LAMA2: variants seen among roughly 807,000 people sequenced by gnomAD.
The protein encoded by LAMA2 is laminin subunit alpha 2.
Under a neutral mutation model 364.8 loss-of-function variants are expected in LAMA2, and 269 were observed. That is an observed-to-expected ratio of 0.74 (90% CI 0.67 to 0.82). LAMA2 has a LOEUF of 0.82. Ranked by LOEUF, LAMA2 falls within the 40% of genes least tolerant of loss-of-function variation. The probability of loss-of-function intolerance (pLI) is 0.00; values close to 1 mark genes in which losing one functional copy is unlikely to be tolerated. For synonymous variants in LAMA2, 1,379 were observed against 1,370.6 expected (o/e 1.01, Z -0.14); for missense variants, 3,807 against 3,873.2 (o/e 0.98, Z 0.45).
intron 12 of LAMA2, among the ~76,000 whole-genome samples, chr6:129,200,838 A>G (rs1445870522): frequency 1.3e-5 from 2 of 152,172 alleles, no homozygotes; most frequent in South Asian, 2.1e-4. Flanking sequence ...TAGACCCTAT[A>G]CAGTAAATGG....
intron 3 of LAMA2, among the ~76,000 whole-genome samples, chr6:129,089,909 A>G (rs1446272787): frequency 1.3e-5 from 2 of 152,206 alleles, no homozygotes; most frequent in Admixed American, 6.5e-5. Flanking sequence ...TACCCTTTAG[A>G]GCTGATAATT....
intron 29 of LAMA2, among the ~76,000 whole-genome samples, chr6:129,340,830 CA>C (rs34264921): frequency 0.27 from 15,957 of 59,532 alleles, 472 homozygotes; most frequent in African/African-American, 0.35. Context: ...AGCTCTGTCT[CA>C]AAAAAAAAAA....
chr6:129,166,677 T>G (rs769468521), intron 9 of LAMA2, among the ~76,000 whole-genome samples: 2 of 152,160 alleles, frequency 1.3e-5, no homozygotes, highest in Non-Finnish European at 2.9e-5. Flanking sequence ...TACCCCTTTT[T>G]GAGTAATGAG....
In LAMA2 at chr6:128,946,336, G is replaced by A. The variant is rs561717694; in HGVS notation, c.112+62979G>A. On this transcript the variant is annotated intron_variant, in intron 1 of 64. Coordinates refer to ENST00000421865, the MANE Select transcript of LAMA2 (RefSeq NM_000426.4). ...TAACATACTCAGAACACTCACATTA[G>A]CCCACAGTTGGACAAAATTACCTGG... 9.5e-4 allele frequency among the ~76,000 whole-genome samples: 145 copies of A among 152,178 alleles called. 5 individuals carry two copies. The South Asian group carries it at 0.02, about 21-fold the overall frequency.
chr6:129,291,954 G>T (rs918758481), intron 20 of LAMA2, among the ~76,000 whole-genome samples: 8 of 151,930 alleles, frequency 5.3e-5, no homozygotes, highest in Admixed American at 2.0e-4. Context: ...TATTATATTC[G>T]CTTTAATTCA....
chr6:129,252,057 TTTTA>T (rs1466292751), intron 13 of LAMA2, 23 bp from the exon 14 acceptor site: 5 of 1,540,656 alleles, frequency 3.2e-6, no homozygotes, highest in Non-Finnish European at 3.6e-6. Flanking sequence ...TTTTACTCTT[TTTTA>T]TTTCTTTTTT....
At chr6:128,939,830 G>C (rs1327045018) in intron 1 of LAMA2, among the ~76,000 whole-genome samples, 2 of 152,142 alleles carry the variant, frequency 1.3e-5, no homozygotes, top group Non-Finnish European at 2.9e-5. Flanking sequence ...CTCCTAGGCA[G>C]ATTCAGTTGC....
intron 45 of LAMA2, among the ~76,000 whole-genome samples, chr6:129,451,930 G>A (rs900687781): frequency 1.3e-5 from 2 of 152,260 alleles, no homozygotes; most frequent in South Asian, 4.1e-4. Context: ...GATGCTAGTT[G>A]GTTTTCTTCC....
chr6:129,477,594 G>A (rs1004461067), intron 53 of LAMA2, among the ~76,000 whole-genome samples: 2 of 152,054 alleles, frequency 1.3e-5, no homozygotes, highest in Admixed American at 1.3e-4. Context: ...TGGCACACTT[G>A]CCCCATTTTA....
intron 1 of LAMA2, among the ~76,000 whole-genome samples, chr6:128,926,269 A>G (rs78921902): frequency 0.025 from 3,742 of 151,534 alleles, 48 homozygotes; most frequent in Middle Eastern, 0.031. Flanking sequence ...TTAAAAAAAA[A>G]CTCTTTGGTC....
At chr6:129,256,763 C>CAAATATATATATATATATATAT (rs749883373) in intron 14 of LAMA2, among the ~76,000 whole-genome samples, 3 of 87,960 alleles carry the variant, frequency 3.4e-5, no homozygotes, top group Admixed American at 1.3e-4. Flanking sequence ...AATTATATAG[C>CAAATATATATATATATATATAT]ATATATATAT....
At chr6:129,415,110 G>A (rs1368267336) in intron 40 of LAMA2, among the ~76,000 whole-genome samples, 1 of 152,124 alleles carries the variant, frequency 6.6e-6, no homozygotes, top group African/African-American at 2.4e-5. Flanking sequence ...TTAAGATGAA[G>A]CTATTTATGT....
At chr6:129,035,320 G>T in intron 1 of LAMA2, among the ~76,000 whole-genome samples, 1 of 143,846 alleles carries the variant, frequency 7.0e-6, no homozygotes, top group South Asian at 2.2e-4. Context: ...TTTTTTAGAA[G>T]TGTCTGTTAA....
intron 43 of LAMA2, chr6:129,442,843 T>C (rs1001098275): frequency 3.6e-6 from 2 of 553,134 alleles, no homozygotes; most frequent in Middle Eastern, 3.6e-4. Flanking sequence ...TACTAAAACA[T>C]AGAAATAATT....
intron 41 of LAMA2, among the ~76,000 whole-genome samples, chr6:129,428,872 T>A (rs1781455175): frequency 6.6e-6 from 1 of 152,182 alleles, no homozygotes; most frequent in East Asian, 1.9e-4. Context: ...TATGAGCCAT[T>A]ACAATTATTA....
At chr6:129,037,878 C>T (rs536419259) in intron 1 of LAMA2, among the ~76,000 whole-genome samples, 1 of 152,050 alleles carries the variant, frequency 6.6e-6, no homozygotes, top group Non-Finnish European at 1.5e-5. Flanking sequence ...ACCGTGTTAG[C>T]CAGGATGGTC....
intron 45 of LAMA2, among the ~76,000 whole-genome samples, chr6:129,451,225 C>A (rs768515228): frequency 5.9e-5 from 9 of 152,192 alleles, no homozygotes; most frequent in Non-Finnish European, 1.3e-4. Context: ...TTCATTTTCA[C>A]TCACCTACTC....
intron 1 of LAMA2, among the ~76,000 whole-genome samples, chr6:128,952,409 A>G (rs1388465598): frequency 6.6e-6 from 1 of 152,162 alleles, no homozygotes; most frequent in African/African-American, 2.4e-5. Context: ...AGCAGCTACC[A>G]TAAATAAGAA....
intron 58 of LAMA2, among the ~76,000 whole-genome samples, chr6:129,497,740 T>A (rs1785301256): frequency 6.6e-6 from 1 of 152,206 alleles, no homozygotes; most frequent in Admixed American, 6.5e-5. Context: ...ACATTCACTA[T>A]ACTACAGGGC....
Sources: gnomAD v4.1 joint callset for allele counts (sites outside exome capture counted in the v4.1 genomes callset) on GRCh38, gnomAD v4.1.1 for gene constraint, MANE v1.5 for transcripts, NCBI Gene and HGNC (gene_info 2026-07-23, HGNC 2026-07-21) for gene names.